The following PPM1E variants were observed in gnomAD, a reference collection of about 807,000 sequenced individuals.
The protein encoded by PPM1E is protein phosphatase, Mg2+/Mn2+ dependent 1E, also known as protein phosphatase 1E.
A neutral mutation model predicts 65.9 loss-of-function variants in PPM1E; 20 were observed. The observed-to-expected ratio is 0.30, with a 90% CI of 0.21 to 0.44. The LOEUF (loss-of-function observed/expected upper bound fraction) is 0.44. Ranked by LOEUF, PPM1E falls within the 20% of genes least tolerant of loss-of-function variation. PPM1E has a pLI of 1.00. For synonymous variants in PPM1E, 352 were observed against 374.9 expected (o/e 0.94, Z 0.70); for missense variants, 713 against 953.1 (o/e 0.75, Z 3.32).
At chr17:58,970,827 G>A (rs1018947423) in intron 4 of PPM1E, among the ~76,000 whole-genome samples, 3 of 151,922 alleles carry the variant, frequency 2.0e-5, no homozygotes, top group African/African-American at 7.3e-5. Context: ...GAAGCTGTGG[G>A]CTTTTATCAT....
chr17:58,821,658 T>C (rs1054638500), intron 1 of PPM1E, among the ~76,000 whole-genome samples: 1 of 152,210 alleles, frequency 6.6e-6, no homozygotes, highest in African/African-American at 2.4e-5. Context: ...AAGCGGATAC[T>C]GGTTAGCAAG....
chr17:58,923,897 G>C (rs191566266), intron 1 of PPM1E, among the ~76,000 whole-genome samples: 2 of 146,096 alleles, frequency 1.4e-5, no homozygotes, highest in South Asian at 2.2e-4. Context: ...CTGGGCAACA[G>C]AGAAAGACCC....
At chr17:58,824,115 A>C (rs916872492) in intron 1 of PPM1E, among the ~76,000 whole-genome samples, 6 of 152,208 alleles carry the variant, frequency 3.9e-5, no homozygotes, top group African/African-American at 1.4e-4. Context: ...TTAAAACATG[A>C]GTTAGAGAAA....
chr17:58,899,724 G>GA (rs758327557), intron 1 of PPM1E: 4 of 166,020 alleles, frequency 2.4e-5, no homozygotes, highest in Non-Finnish European at 2.7e-5. Context: ...GCTCCTCGAG[G>GA]AAAAAAAAGA....
Position 58,937,879 on chromosome 17 carries a change from C to CAAAAAAAA in PPM1E, c.465-17761_465-17754dup, listed in dbSNP as rs1226139023. Among the ~76,000 whole-genome samples the CAAAAAAAA allele has an allele frequency of 2.8e-3, 235 of 82,886 alleles. 5 individuals carry two copies. The highest frequency in any genetic ancestry group is 0.01 in the African/African-American group (209 of 20,012). 54.4% of individuals were successfully genotyped at this position (82,886 alleles called of 152,430 possible). On this transcript the variant is annotated intron_variant, in intron 1 of 6. Coordinates refer to ENST00000308249, the MANE Select transcript of PPM1E (RefSeq NM_014906.5). ...TGGGCAACAGAGTGAGACTCCATCT[C>CAAAAAAAA]AAAAAAAAAAAAAAAAGAAAGAAAG...
chr17:58,893,665 C>G (rs1396250432), intron 1 of PPM1E, among the ~76,000 whole-genome samples: 1 of 152,084 alleles, frequency 6.6e-6, no homozygotes, highest in Non-Finnish European at 1.5e-5. Context: ...ATGTACCACT[C>G]TGTTATGGGC....
intron 2 of PPM1E, among the ~76,000 whole-genome samples, chr17:58,963,334 C>G (rs2030100681): frequency 6.8e-6 from 1 of 147,890 alleles, no homozygotes; most frequent in African/African-American, 2.5e-5. Context: ...TTGCAGGGAG[C>G]TGAGAATGCA....
intron 1 of PPM1E, among the ~76,000 whole-genome samples, chr17:58,810,879 A>G (rs1158367257): frequency 6.6e-6 from 1 of 151,736 alleles, no homozygotes; most frequent in Non-Finnish European, 1.5e-5. Flanking sequence ...TTTTTTTGAG[A>G]CAGAGCCTTA....
chr17:58,848,034 C>T (rs1266991836), intron 1 of PPM1E, among the ~76,000 whole-genome samples: 11 of 152,014 alleles, frequency 7.2e-5, no homozygotes, highest in East Asian at 3.8e-4. Flanking sequence ...TTGAAGCAAT[C>T]GTGAATGGGA....
In PPM1E at chr17:58,779,216, C is replaced by G. The variant is rs140359481; in HGVS notation, c.464+22755C>G. Among the ~76,000 whole-genome samples, 1,343 of 142,102 alleles carry G rather than the reference C, an allele frequency of 9.5e-3. 15 individuals are homozygous for G. The highest frequency in any genetic ancestry group is 0.034 in the African/African-American group (1,294 of 37,586). 93.2% of individuals were successfully genotyped at this position (142,102 alleles called of 152,430 possible). A position where few individuals can be genotyped will look rare whatever the true frequency, so the allele number is the denominator to read the frequency against. ...TTGAGTCGGAGTTTTGCTCTTGTTGCCCAAGCTGGAGTGCAATGGTGCGAT... is the reference window on the plus strand; with the variant it reads ...TTGAGTCGGAGTTTTGCTCTTGTTGGCCAAGCTGGAGTGCAATGGTGCGAT... On this transcript the variant is annotated intron_variant, in intron 1 of 6. Coordinates refer to ENST00000308249, the MANE Select transcript of PPM1E (RefSeq NM_014906.5).
In PPM1E at chr17:58,850,878, A is replaced by G. The variant is rs181754172; in HGVS notation, c.464+94417A>G. ...ATAATATCCTGAAGAGTGTTTTCCA[A>G]CTTGGTTCCATTCTCCCCGTCACTT... On this transcript the variant is annotated intron_variant, in intron 1 of 6. Coordinates refer to ENST00000308249, the MANE Select transcript of PPM1E (RefSeq NM_014906.5). Among the ~76,000 whole-genome samples, 25 of 152,254 alleles carry G rather than the reference A, an allele frequency of 1.6e-4. No homozygotes were observed. The East Asian group carries it at 3.9e-3, about 24-fold the overall frequency.
intron 1 of PPM1E, among the ~76,000 whole-genome samples, chr17:58,927,775 G>C (rs1482929987): frequency 6.6e-6 from 1 of 151,522 alleles, no homozygotes; most frequent in African/African-American, 2.4e-5. Context: ...AATTAGCCAG[G>C]CGGCCGGGCC....
intron 1 of PPM1E, among the ~76,000 whole-genome samples, chr17:58,764,072 A>G (rs2049849745): frequency 6.6e-6 from 1 of 152,000 alleles, no homozygotes; most frequent in African/African-American, 2.4e-5. Flanking sequence ...TATATCCAAA[A>G]TATTACTATT....
At chr17:58,951,745 G>T (rs2052242452) in intron 1 of PPM1E, among the ~76,000 whole-genome samples, 1 of 151,858 alleles carries the variant, frequency 6.6e-6, no homozygotes, top group Non-Finnish European at 1.5e-5. Context: ...ACAGTAGGAT[G>T]CCTATGAATA....
intron 1 of PPM1E, among the ~76,000 whole-genome samples, chr17:58,780,322 A>G (rs1334706905): frequency 6.6e-6 from 1 of 152,202 alleles, no homozygotes; most frequent in Non-Finnish European, 1.5e-5. Context: ...CAGCCTGGGC[A>G]ACATGGTGAA....
intron 1 of PPM1E, among the ~76,000 whole-genome samples, chr17:58,804,591 A>G: frequency 6.6e-6 from 1 of 152,194 alleles, no homozygotes; most frequent in Non-Finnish European, 1.5e-5. Flanking sequence ...TTTCATTATT[A>G]TAATAAATGT....
At chr17:58,765,774 A>C (rs1305976847) in intron 1 of PPM1E, among the ~76,000 whole-genome samples, 1 of 151,970 alleles carries the variant, frequency 6.6e-6, no homozygotes, top group Non-Finnish European at 1.5e-5. Flanking sequence ...GATTTATAAG[A>C]TCACTATAGA....
chr17:58,885,808 A>G (rs2051258391), intron 1 of PPM1E, among the ~76,000 whole-genome samples: 1 of 152,196 alleles, frequency 6.6e-6, no homozygotes. Context: ...CAATTTCTCA[A>G]GAGGATACAC....
intron 1 of PPM1E, among the ~76,000 whole-genome samples, chr17:58,838,152 A>T (rs532251659): frequency 6.6e-6 from 1 of 152,376 alleles, no homozygotes; most frequent in East Asian, 1.9e-4. Context: ...TGAGTTTTAG[A>T]TACAACTCAA....
Sources: gnomAD v4.1 joint callset for allele counts (sites outside exome capture counted in the v4.1 genomes callset) on GRCh38, gnomAD v4.1.1 for gene constraint, MANE v1.5 for transcripts, NCBI Gene and HGNC (gene_info 2026-07-23, HGNC 2026-07-21) for gene names.